The following SLC38A12 variants were observed in gnomAD, a reference collection of about 807,000 sequenced individuals.
The protein encoded by SLC38A12 is putative sodium-coupled neutral amino acid transporter 12.
At chr17:74,839,333 CAG>C in the SLC38A12 span, 78 of 686,604 alleles carry the variant, frequency 1.1e-4, no homozygotes, top group Non-Finnish European at 1.6e-4. Context: ...GTGGGGAGGA[CAG>C]GGGCTGCTGC....
At chr17:74,837,533 C>T in the SLC38A12 span, 1 of 985,466 alleles carries the variant, frequency 1.0e-6, no homozygotes. Flanking sequence ...ACCTCAGCGG[C>T]TTGGCAGTGA....
chr17:74,838,158 C>T, the SLC38A12 span: 1 of 985,712 alleles, frequency 1.0e-6, no homozygotes, highest in Non-Finnish European at 1.2e-6. Flanking sequence ...GGGAGAGTCC[C>T]TGCGTGGTGT....
chr17:74,784,320 G>A, the SLC38A12 span, among the ~76,000 whole-genome samples: 56 of 152,198 alleles, frequency 3.7e-4, no homozygotes, highest in African/African-American at 1.2e-3. Context: ...AGTCCAGGCC[G>A]GAAAGACTCA....
At chr17:74,780,469 A>G in the SLC38A12 span, among the ~76,000 whole-genome samples, 2 of 152,196 alleles carry the variant, frequency 1.3e-5, no homozygotes, top group African/African-American at 4.8e-5. Flanking sequence ...ATTGGTCTTC[A>G]TTATCAAGAC....
chr17:74,789,984 C>T, the SLC38A12 span, among the ~76,000 whole-genome samples: 1 of 138,570 alleles, frequency 7.2e-6, no homozygotes, highest in Admixed American at 7.5e-5. Context: ...ACAGGGTCTT[C>T]GCTCTGTCAC....
At chr17:74,805,355 T>A in the SLC38A12 span, among the ~76,000 whole-genome samples, 1 of 152,238 alleles carries the variant, frequency 6.6e-6, no homozygotes, top group South Asian at 2.1e-4. The surrounding 1 kb of genome is among the most constrained non-coding windows in gnomAD (Gnocchi z 5.0). Flanking sequence ...GCCCACTGGC[T>A]GGAGGCTGCT....
At chr17:74,795,196 C>T in the SLC38A12 span, 4 of 1,158,938 alleles carry the variant, frequency 3.5e-6, no homozygotes, top group South Asian at 3.7e-5. Context: ...GGGAGAAGCA[C>T]CATGCCAAGT....
chr17:74,797,207 A>G, the SLC38A12 span, among the ~76,000 whole-genome samples: 3 of 152,290 alleles, frequency 2.0e-5, no homozygotes, highest in Non-Finnish European at 2.9e-5. Flanking sequence ...TGCCTTGTTA[A>G]ATGGTTCCCT....
the SLC38A12 span, among the ~76,000 whole-genome samples, chr17:74,827,177 A>G: frequency 5.9e-5 from 9 of 151,978 alleles, no homozygotes; most frequent in Non-Finnish European, 1.0e-4. This position sits in a 1 kb window ranked among gnomAD's most constrained non-coding sequence, Gnocchi z 4.7. Flanking sequence ...AGCAGGGGCA[A>G]TGGGTTTCTG....
At chr17:74,801,441 C>T in the SLC38A12 span, among the ~76,000 whole-genome samples, 17 of 152,272 alleles carry the variant, frequency 1.1e-4, no homozygotes, top group African/African-American at 3.9e-4. Flanking sequence ...ATGCATGTCC[C>T]GGGTGCTGTT....
chr17:74,806,937 G>GC, the SLC38A12 span, among the ~76,000 whole-genome samples: 1 of 152,160 alleles, frequency 6.6e-6, no homozygotes, highest in African/African-American at 2.4e-5. Context: ...CAGCAGAACT[G>GC]CCCCAGGGTC....
the SLC38A12 span, among the ~76,000 whole-genome samples, chr17:74,834,088 C>T: frequency 6.6e-6 from 1 of 152,124 alleles, no homozygotes; most frequent in Non-Finnish European, 1.5e-5. Flanking sequence ...TGGGGTGGAT[C>T]TCTCACATAG....
chr17:74,818,652 T>A, the SLC38A12 span, among the ~76,000 whole-genome samples: 2 of 152,272 alleles, frequency 1.3e-5, no homozygotes, highest in African/African-American at 4.8e-5. Flanking sequence ...ACTCCCCAAG[T>A]GGGCCCGCTC....
At chr17:74,809,877 C>G in the SLC38A12 span, among the ~76,000 whole-genome samples, 1 of 152,228 alleles carries the variant, frequency 6.6e-6, no homozygotes, top group Non-Finnish European at 1.5e-5. Flanking sequence ...AGGTGCCCCA[C>G]TGTTGGCCAG....
At chr17:74,791,844 G>A in the SLC38A12 span, among the ~76,000 whole-genome samples, 1 of 152,222 alleles carries the variant, frequency 6.6e-6, no homozygotes, top group Admixed American at 6.5e-5. Flanking sequence ...TTTGGAAGAT[G>A]AGCTATTTAA....
chr17:74,798,716 C>A, the SLC38A12 span, among the ~76,000 whole-genome samples: 1 of 152,220 alleles, frequency 6.6e-6, no homozygotes, highest in African/African-American at 2.4e-5. Flanking sequence ...GATCTGCTAT[C>A]AGCTGACCTT....
chr17:74,821,986 T>C, the SLC38A12 span, among the ~76,000 whole-genome samples: 3,533 of 152,264 alleles, frequency 0.023, 130 homozygotes, highest in African/African-American at 0.081. Flanking sequence ...TTAGCCGGCA[T>C]GGGGATGACA....
At chr17:74,816,231 G>A in the SLC38A12 span, among the ~76,000 whole-genome samples, 2 of 152,210 alleles carry the variant, frequency 1.3e-5, no homozygotes, top group Non-Finnish European at 2.9e-5. Context: ...CTTGCAAGAG[G>A]GCACTTCTGG....
the SLC38A12 span, among the ~76,000 whole-genome samples, chr17:74,791,370 A>G: frequency 7.2e-6 from 1 of 138,524 alleles, no homozygotes. Context: ...CAGGAACCCC[A>G]GGCAGCTACT....
Sources: allele counts gnomAD v4.1 joint callset (sites outside exome capture counted in the v4.1 genomes callset), GRCh38; gene constraint gnomAD v4.1.1; non-coding constraint Gnocchi (gnomAD v3.1); transcripts MANE v1.5; gene names NCBI Gene and HGNC (gene_info 2026-07-23, HGNC 2026-07-21).